Variants in CHKA observed in about 807,000 individuals in gnomAD.
CHKA encodes CHETK-alpha.
A neutral mutation model predicts 60.1 loss-of-function variants in CHKA; 34 were observed. That is an observed-to-expected ratio of 0.57 (90% CI 0.43 to 0.75). The LOEUF is 0.75. Ranked by LOEUF, CHKA falls within the 30% of genes least tolerant of loss-of-function variation. The pLI is 0.00. For synonymous variants in CHKA, 217 were observed against 223.1 expected (o/e 0.97, Z 0.24); for missense variants, 563 against 561.3 (o/e 1.00, Z -0.03).
intron 3 of CHKA, among the ~76,000 whole-genome samples, chr11:68,080,511 C>A (rs1452733600): frequency 1.3e-5 from 2 of 152,038 alleles, no homozygotes; most frequent in Non-Finnish European, 2.9e-5. Flanking sequence ...CTATGCCTGG[C>A]TAATTTTTCT....
At chr11:68,064,683 T>TA in intron 9 of CHKA, 52 bp from the exon 10 acceptor site, 1 of 1,040,484 alleles carries the variant, frequency 9.6e-7, no homozygotes, top group South Asian at 1.5e-5. Flanking sequence ...ATAGACAATG[T>TA]CAATAGCTGT....
intron 2 of CHKA, among the ~76,000 whole-genome samples, chr11:68,090,581 C>T (rs1857318950): frequency 6.6e-6 from 1 of 152,074 alleles, no homozygotes; most frequent in Admixed American, 6.6e-5. Flanking sequence ...TTTAATTAAA[C>T]TGGGGCTAAG....
At chr11:68,075,155 G>A (rs1856747563) in intron 3 of CHKA, among the ~76,000 whole-genome samples, 1 of 151,982 alleles carries the variant, frequency 6.6e-6, no homozygotes, top group Admixed American at 6.6e-5. Flanking sequence ...ACCTATATAG[G>A]AGTCTCACCC....
At chr11:68,069,790 T>G (rs1008822271) in intron 6 of CHKA, among the ~76,000 whole-genome samples, 2 of 152,054 alleles carry the variant, frequency 1.3e-5, no homozygotes, top group African/African-American at 4.8e-5. Context: ...GAGATCAGTA[T>G]GAAGACTCTG....
intron 7 of CHKA, among the ~76,000 whole-genome samples, chr11:68,067,661 C>T (rs144057678): frequency 1.1e-4 from 17 of 152,210 alleles, no homozygotes; most frequent in African/African-American, 2.2e-4. Flanking sequence ...GTTACCTCTT[C>T]GATCCTTCCT....
chr11:68,059,430 A>G (rs2134492452), intron 11 of CHKA, among the ~76,000 whole-genome samples: 1 of 152,282 alleles, frequency 6.6e-6, no homozygotes, highest in East Asian at 1.9e-4. Flanking sequence ...TGACCATAAT[A>G]TATTATCCTT....
chr11:68,118,070 G>A (rs566398994), intron 1 of CHKA, among the ~76,000 whole-genome samples: 2 of 152,298 alleles, frequency 1.3e-5, no homozygotes, highest in South Asian at 4.1e-4. Context: ...ATTTGGAATA[G>A]GAATGCACTG....
At chr11:68,070,579 T>C (rs1468685272) in intron 5 of CHKA, 145 bp downstream of exon 5, 7 of 856,822 alleles carry the variant, frequency 8.2e-6, no homozygotes, top group Non-Finnish European at 9.0e-6. Context: ...GACTTACTTA[T>C]GAGACAAGTA....
intron 3 of CHKA, among the ~76,000 whole-genome samples, chr11:68,079,273 T>C (rs1285284280): frequency 1.3e-5 from 2 of 152,068 alleles, no homozygotes; most frequent in Non-Finnish European, 2.9e-5. Context: ...GCACTGTGGT[T>C]ATGTGAGATG....
chr11:68,061,599 C>T, intron 11 of CHKA: 1 of 387,180 alleles, frequency 2.6e-6, no homozygotes, highest in Non-Finnish European at 5.2e-6. Flanking sequence ...TCTTCACTTA[C>T]TGTCCCGTGT....
chr11:68,093,597 A>C (rs917028031), intron 2 of CHKA, among the ~76,000 whole-genome samples: 16 of 152,346 alleles, frequency 1.1e-4, no homozygotes, highest in African/African-American at 3.4e-4. Flanking sequence ...CTGTTCAAAC[A>C]AATTTTATTT....
chr11:68,106,814 G>C (rs574185523), intron 1 of CHKA, among the ~76,000 whole-genome samples: 1 of 152,184 alleles, frequency 6.6e-6, no homozygotes, highest in African/African-American at 2.4e-5. Context: ...ACTCCAGCAC[G>C]GCTCAGCCTT....
chr11:68,061,762 C>T (rs771367002), intron 11 of CHKA, 191 bp downstream of exon 11: 9 of 627,496 alleles, frequency 1.4e-5, no homozygotes, highest in East Asian at 6.4e-5. Flanking sequence ...TCAGTGACAG[C>T]GGCTTCTCCC....
intron 2 of CHKA, among the ~76,000 whole-genome samples, chr11:68,089,353 G>A (rs533165011): frequency 1.4e-4 from 22 of 152,318 alleles, no homozygotes; most frequent in African/African-American, 5.1e-4. Context: ...AGTCAGCACT[G>A]CAGAGCTCCC....
rs55959031 is a variant in CHKA at position 68,095,708 on chromosome 11, C to CAAAAAAAAAAAA, written c.462+1299_462+1310dup. The stretch of plus-strand genomic sequence containing the variant: ...TGGGTGACAGAGCAAGACTCCGTCG[C>CAAAAAAAAAAAA]AAAAAAAAAAAAAAAAAAAAAAAAA... On this transcript the variant is annotated intron_variant, in intron 2 of 11. Coordinates refer to ENST00000265689, the MANE Select transcript of CHKA (RefSeq NM_001277.3). 8.4e-4 allele frequency among the ~76,000 whole-genome samples: 11 copies of CAAAAAAAAAAAA among 13,132 alleles called. 3 individuals carry two copies. The highest frequency in any genetic ancestry group is 0.015 in the South Asian group (2 of 132). The allele number at this position is 13,132 out of a possible 152,430, so 8.6% of individuals were successfully genotyped here.
chr11:68,060,065 C>T (rs1232755544), intron 11 of CHKA, among the ~76,000 whole-genome samples: 1 of 131,510 alleles, frequency 7.6e-6, no homozygotes, highest in African/African-American at 3.0e-5. Flanking sequence ...CTCGCTCTGT[C>T]GCCCAGGCTG....
chr11:68,103,037 G>A (rs1210327596), intron 1 of CHKA, among the ~76,000 whole-genome samples: 1 of 151,980 alleles, frequency 6.6e-6, no homozygotes, highest in Non-Finnish European at 1.5e-5. Context: ...TTGGGAGGCT[G>A]ACATAGGAGG....
intron 11 of CHKA, among the ~76,000 whole-genome samples, chr11:68,054,292 C>A (rs1039579476): frequency 7.2e-5 from 11 of 152,232 alleles, no homozygotes; most frequent in African/African-American, 2.7e-4. Context: ...AGGCATGGGC[C>A]AGCCCAGCCC....
chr11:68,094,106 AAAC>A (rs1444660621), intron 2 of CHKA, among the ~76,000 whole-genome samples: 2 of 152,238 alleles, frequency 1.3e-5, no homozygotes, highest in Non-Finnish European at 2.9e-5. Flanking sequence ...AATCAGATTT[AAAC>A]AATAGTTTTA....
Sources: allele counts gnomAD v4.1 joint callset (sites outside exome capture counted in the v4.1 genomes callset), GRCh38; gene constraint gnomAD v4.1.1; transcripts MANE v1.5; gene names NCBI Gene and HGNC (gene_info 2026-07-23, HGNC 2026-07-21).